Variants in PHACTR3 observed in about 807,000 individuals in gnomAD.
PHACTR3 encodes protein phosphatase 1, regulatory subunit 123.
A neutral mutation model predicts 66.8 loss-of-function variants in PHACTR3; 16 were observed. The observed-to-expected ratio is 0.24, with a 90% CI of 0.16 to 0.36. The LOEUF (loss-of-function observed/expected upper bound fraction) is 0.36, where lower values mean the gene tolerates loss of function less well. Among genes scored for constraint, PHACTR3 ranks in the 10% least tolerant of loss-of-function variants. PHACTR3 has a pLI of 1.00. For missense variants in PHACTR3, 647 were observed against 719.9 expected (o/e 0.90, Z 1.16); for synonymous variants, 323 against 292.1 (o/e 1.11, Z -1.08).
intron 4 of PHACTR3, 31 bp from the exon 5 acceptor site, chr20:59,767,155 T>G: frequency 6.2e-7 from 1 of 1,612,322 alleles, no homozygotes; most frequent in Non-Finnish European, 8.5e-7. Context: ...AGGAAACATG[T>G]TTTTAACTCT....
At chr20:59,629,685 G>C (rs2034594373) in intron 1 of PHACTR3, among the ~76,000 whole-genome samples, 1 of 152,222 alleles carries the variant, frequency 6.6e-6, no homozygotes, top group African/African-American at 2.4e-5. Flanking sequence ...TCAGACAATG[G>C]AGCGGAATAA....
intron 1 of PHACTR3, among the ~76,000 whole-genome samples, chr20:59,739,554 G>T (rs991909279): frequency 6.6e-6 from 1 of 152,066 alleles, no homozygotes; most frequent in Non-Finnish European, 1.5e-5. Context: ...CAGGGCGAAG[G>T]GGGAGGAGCC....
At chr20:59,727,970 C>T (rs1033617051) in intron 1 of PHACTR3, among the ~76,000 whole-genome samples, 1 of 152,190 alleles carries the variant, frequency 6.6e-6, no homozygotes, top group Non-Finnish European at 1.5e-5. Context: ...AATCGTCTGG[C>T]ACCAAATACC....
At position 59,736,628 on chromosome 20, in the gene PHACTR3, G is replaced by A. The variant is rs1338659218; in HGVS notation, c.119-6479G>A. ...AGAGATACACACCTACCCACTCTGT[G>A]CACACCTGCCCACCAGCATCCGCAG... is the stretch of plus-strand genomic sequence containing the variant. On this transcript the variant is annotated intron_variant, in intron 1 of 12. Transcript: ENST00000371015. The surrounding 1 kb of genome is among the most constrained non-coding windows in gnomAD (Gnocchi z 4.6). 1.3e-5 allele frequency among the ~76,000 whole-genome samples: 2 copies of A among 152,020 alleles called. No individual in the cohort carries two copies. The highest frequency in any genetic ancestry group is 4.8e-5 in the African/African-American group (2 of 41,394).
chr20:59,670,984 A>G (rs1355201249), intron 1 of PHACTR3, among the ~76,000 whole-genome samples: 2 of 152,088 alleles, frequency 1.3e-5, no homozygotes, highest in South Asian at 2.1e-4. Context: ...TTCTGTGCTC[A>G]TGTGCGCATG....
intron 1 of PHACTR3, among the ~76,000 whole-genome samples, chr20:59,742,083 A>G (rs542321230): frequency 1.3e-5 from 2 of 152,290 alleles, no homozygotes; most frequent in Admixed American, 6.5e-5. Context: ...ATTTCTTTGG[A>G]GGGCCCACAG....
chr20:59,830,413 A>G lies in PHACTR3; in HGVS notation c.1329-6092A>G, dbSNP rs756776725. 6.6e-6 allele frequency among the ~76,000 whole-genome samples: 1 copy of G among 151,892 alleles called. No homozygotes were observed. Among genetic ancestry groups the G allele is most frequent in the Non-Finnish European group, 1.5e-5 (1 of 67,956 alleles). ...GAGCATGAGTGATGAAGAGGGTGTGAGTGTCTGATGGAGGAATGTGTGGGC... is the reference window on the plus strand; with the variant it reads ...GAGCATGAGTGATGAAGAGGGTGTGGGTGTCTGATGGAGGAATGTGTGGGC... On this transcript the variant is annotated intron_variant, in intron 8 of 12. Coordinates refer to ENST00000371015, the MANE Select transcript of PHACTR3 (RefSeq NM_080672.5). The surrounding 1 kb of genome is among the most constrained non-coding windows in gnomAD (Gnocchi z 5.8).
At position 59,608,147 on chromosome 20, in the gene PHACTR3, G is replaced by T. The variant is rs550751653; in HGVS notation, c.118+3015G>T. ...TCTCTAGCATGAAGGGTGACAAATG[G>T]TTTCTTGTTGTGTTAATTTGCAGTT... On this transcript the variant is annotated intron_variant, in intron 1 of 12. Coordinates refer to ENST00000371015, the MANE Select transcript of PHACTR3 (RefSeq NM_080672.5). Among the ~76,000 whole-genome samples, 4 of 152,306 alleles carry T rather than the reference G, an allele frequency of 2.6e-5. No individual in the cohort carries two copies. The South Asian group carries it at 8.3e-4, about 32-fold the overall frequency.
chr20:59,643,821 G>A lies in PHACTR3; in HGVS notation c.118+38689G>A, dbSNP rs112885745. On this transcript the variant is annotated intron_variant, in intron 1 of 12. Coordinates refer to ENST00000371015, the MANE Select transcript of PHACTR3 (RefSeq NM_080672.5). ...TATTGGATTCTAAGTGAAAAGGGGG[G>A]TGGGGATAGAAGGCCTTCTGCCTCG... Among the ~76,000 whole-genome samples the A allele has an allele frequency of 8.7e-4, 132 of 152,278 alleles. 1 individual carries two copies. The highest frequency in any genetic ancestry group is 3.0e-3 in the African/African-American group (126 of 41,564).
chr20:59,702,569 C>A (rs1232161066), intron 1 of PHACTR3, among the ~76,000 whole-genome samples: 1 of 152,204 alleles, frequency 6.6e-6, no homozygotes, highest in Non-Finnish European at 1.5e-5. Flanking sequence ...AGTGGCCTTG[C>A]CTGTTTAGCT....
intron 1 of PHACTR3, among the ~76,000 whole-genome samples, chr20:59,723,714 T>C (rs1366547567): frequency 1.3e-5 from 2 of 151,206 alleles, no homozygotes; most frequent in African/African-American, 4.9e-5. Context: ...TACTGAGGAG[T>C]CGAATGGTCA....
intron 7 of PHACTR3, among the ~76,000 whole-genome samples, chr20:59,794,428 G>C (rs545956209): frequency 6.6e-6 from 1 of 152,176 alleles, no homozygotes; most frequent in South Asian, 2.1e-4. Context: ...TTTTAAATGT[G>C]TTGTTGAATC....
chr20:59,681,319 G>T (rs1039316161), intron 1 of PHACTR3, among the ~76,000 whole-genome samples: 6 of 152,176 alleles, frequency 3.9e-5, no homozygotes, highest in African/African-American at 1.4e-4. Context: ...GCAGCAAGAC[G>T]TTAAGGGTTG....
chr20:59,840,537 T>C, intron 10 of PHACTR3, 107 bp downstream of exon 10: 2 of 1,490,474 alleles, frequency 1.3e-6, no homozygotes, highest in Non-Finnish European at 1.8e-6. Context: ...TGATCATGAA[T>C]AATGTTCTCC....
chr20:59,846,662 G>GTA (rs145266648), intron 12 of PHACTR3, among the ~76,000 whole-genome samples: 2 of 152,122 alleles, frequency 1.3e-5, no homozygotes, highest in East Asian at 3.9e-4. Context: ...TTAAAATGTG[G>GTA]TATAAAGACC....
chr20:59,813,259 G>A (rs1478662233), intron 8 of PHACTR3, among the ~76,000 whole-genome samples: 3 of 152,298 alleles, frequency 2.0e-5, no homozygotes, highest in Non-Finnish European at 2.9e-5. Flanking sequence ...GGTCACTCCC[G>A]GAGCAGGGCT....
chr20:59,793,615 G>C (rs2041166108), intron 7 of PHACTR3, among the ~76,000 whole-genome samples: 1 of 152,064 alleles, frequency 6.6e-6, no homozygotes, highest in Admixed American at 6.5e-5. Flanking sequence ...AGGGATTTTT[G>C]TATGTTGATT....
intron 1 of PHACTR3, among the ~76,000 whole-genome samples, chr20:59,717,164 T>C (rs1161592447): frequency 1.3e-5 from 2 of 152,218 alleles, no homozygotes; most frequent in East Asian, 3.8e-4. Context: ...AATAATTATT[T>C]CTTGGATTCA....
intron 7 of PHACTR3, among the ~76,000 whole-genome samples, chr20:59,786,498 C>A (rs1041254603): frequency 2.6e-5 from 4 of 152,220 alleles, no homozygotes; most frequent in Non-Finnish European, 5.9e-5. Context: ...GCCCTGGGGG[C>A]AGAGCCATCA....
Sources: allele counts gnomAD v4.1 joint callset (sites outside exome capture counted in the v4.1 genomes callset), GRCh38; gene constraint gnomAD v4.1.1; non-coding constraint Gnocchi (gnomAD v3.1); transcripts MANE v1.5; gene names NCBI Gene and HGNC (gene_info 2026-07-23, HGNC 2026-07-21).